Variants in CTCF observed in about 807,000 individuals in gnomAD.
CTCF encodes the protein transcriptional repressor CTCF.
In CTCF, 7 loss-of-function variants were observed where a neutral mutation model predicts 72.3. That is an observed-to-expected ratio of 0.10 (90% CI 0.06 to 0.18). CTCF has a LOEUF of 0.18. Ranked by LOEUF, CTCF falls within the 10% of genes least tolerant of loss-of-function variation. The pLI, the probability that CTCF is intolerant of heterozygous loss-of-function variation, is 1.00. For missense variants in CTCF, 516 were observed against 949.1 expected, an observed-to-expected ratio of 0.54 and a Z score of 6.00; for synonymous variants, 374 against 315.8, an observed-to-expected ratio of 1.18 and a Z score of -1.95.
intron 2 of CTCF, among the ~76,000 whole-genome samples, chr16:67,604,057 G>A (rs1480504981): frequency 6.8e-6 from 1 of 147,450 alleles, no homozygotes; most frequent in Non-Finnish European, 1.5e-5. Flanking sequence ...CTGAGCCCAG[G>A]AAGTCAAGGC....
intron 2 of CTCF, among the ~76,000 whole-genome samples, chr16:67,576,563 T>G (rs999717954): frequency 1.3e-5 from 2 of 148,402 alleles, no homozygotes; most frequent in Non-Finnish European, 3.0e-5. Flanking sequence ...TTTTTTTTTT[T>G]TTTTTTTTGA....
intron 2 of CTCF, among the ~76,000 whole-genome samples, chr16:67,583,189 T>G (rs1226782225): frequency 6.6e-6 from 1 of 151,744 alleles, no homozygotes; most frequent in Non-Finnish European, 1.5e-5. Flanking sequence ...TTTCACCATG[T>G]TGGCCATGCT....
intron 2 of CTCF, among the ~76,000 whole-genome samples, chr16:67,587,102 T>A (rs1229752608): frequency 1.3e-5 from 1 of 79,790 alleles, no homozygotes; most frequent in African/African-American, 4.1e-5. Flanking sequence ...TCTTAAACAT[T>A]TTTTTTTTTT....
chr16:67,617,637 G>A (rs188298797), intron 5 of CTCF, among the ~76,000 whole-genome samples: 10 of 152,222 alleles, frequency 6.6e-5, no homozygotes, highest in South Asian at 2.1e-4. Flanking sequence ...AGCCGAGATC[G>A]TGCCATTGCA....
intron 4 of CTCF, chr16:67,615,162 C>T (rs904995276): frequency 6.6e-6 from 1 of 152,142 alleles, no homozygotes; most frequent in African/African-American, 2.4e-5. Context: ...GAGGATGGGC[C>T]TTGAGTGAAG....
chr16:67,606,617 C>T (rs1404618574), intron 2 of CTCF, among the ~76,000 whole-genome samples: 6 of 152,176 alleles, frequency 3.9e-5, no homozygotes, highest in African/African-American at 1.4e-4. Context: ...TCTTCTCTGA[C>T]TGCTATCATG....
intron 2 of CTCF, among the ~76,000 whole-genome samples, chr16:67,602,488 C>T (rs1227458694): frequency 6.6e-6 from 1 of 151,996 alleles, no homozygotes; most frequent in Non-Finnish European, 1.5e-5. Context: ...ATTATCATTC[C>T]CTTTGCAGGG....
intron 5 of CTCF, among the ~76,000 whole-genome samples, chr16:67,619,648 A>G (rs1238115589): frequency 1.3e-5 from 2 of 152,106 alleles, no homozygotes; most frequent in Non-Finnish European, 2.9e-5. Context: ...TGGCGTGATC[A>G]TGGCTCACTG....
chr16:67,611,710 TA>T (rs2052065212), intron 3 of CTCF, 97 bp downstream of exon 3: 3 of 1,229,200 alleles, frequency 2.4e-6, no homozygotes, highest in Non-Finnish European at 3.4e-6. Flanking sequence ...ACCGTATTTG[TA>T]AAAGGTCGTT....
chr16:67,565,864 TC>T (rs2051336537), intron 1 of CTCF, among the ~76,000 whole-genome samples: 1 of 152,124 alleles, frequency 6.6e-6, no homozygotes, highest in South Asian at 2.1e-4. Context: ...CTTGGGGAGT[TC>T]CTTGGTGGAA....
intron 10 of CTCF, among the ~76,000 whole-genome samples, chr16:67,630,625 C>T (rs998680674): frequency 1.3e-5 from 2 of 152,044 alleles, no homozygotes; most frequent in Admixed American, 6.6e-5. Context: ...TGTGGTGGTA[C>T]ATGCCGATAG....
chr16:67,581,893 G>A (rs2051587649), intron 2 of CTCF, among the ~76,000 whole-genome samples: 1 of 152,150 alleles, frequency 6.6e-6, no homozygotes, highest in Non-Finnish European at 1.5e-5. Flanking sequence ...AAGTGCTGGG[G>A]TTACAGGTGT....
chr16:67,610,235 A>G (rs2052042159), intron 2 of CTCF, among the ~76,000 whole-genome samples: 1 of 152,272 alleles, frequency 6.6e-6, no homozygotes, highest in South Asian at 2.1e-4. Context: ...GTATAATTTA[A>G]CATCCTGAGT....
intron 2 of CTCF, among the ~76,000 whole-genome samples, chr16:67,577,468 CGCTCTGTTGCCCAGGCTG>C (rs1315014701): frequency 2.0e-5 from 3 of 149,072 alleles, no homozygotes; most frequent in Admixed American, 1.3e-4. Flanking sequence ...GATGGAGTCT[CGCTCTGTTGCCCAGGCTG>C]GAGTGCAGTG....
chr16:67,574,482 C>T (rs567150535), intron 2 of CTCF, among the ~76,000 whole-genome samples: 210 of 151,882 alleles, frequency 1.4e-3, no homozygotes, highest in Non-Finnish European at 2.0e-3. Flanking sequence ...GCTGGGATTA[C>T]AGGCGTTCAC....
chr16:67,579,345 CTTTGTTTTTT>C (rs770396535), intron 2 of CTCF, among the ~76,000 whole-genome samples: 15 of 151,674 alleles, frequency 9.9e-5, no homozygotes, highest in South Asian at 2.1e-4. Context: ...TGTTTTCAAT[CTTTGTTTTTT>C]TTTGTTTTTT....
chr16:67,594,576 C>T (rs8061160), intron 2 of CTCF, among the ~76,000 whole-genome samples: 6,408 of 151,784 alleles, frequency 0.042, 450 homozygotes, highest in African/African-American at 0.14. Context: ...AATAGTGATG[C>T]GTAAAAAAAC....
At chr16:67,568,201 T>G (rs2051366807) in intron 1 of CTCF, 1 of 151,726 alleles carries the variant, frequency 6.6e-6, no homozygotes, top group African/African-American at 2.4e-5. Context: ...TGCTTCAGCC[T>G]CGGGAGTAGT....
chr16:67,590,730 G>T (rs1451317680), intron 2 of CTCF, among the ~76,000 whole-genome samples: 1 of 151,694 alleles, frequency 6.6e-6, no homozygotes, highest in Non-Finnish European at 1.5e-5. Flanking sequence ...GCTGAGGAGG[G>T]TGGATCAGCT....
Sources: gnomAD v4.1 joint callset for allele counts (sites outside exome capture counted in the v4.1 genomes callset) on GRCh38, gnomAD v4.1.1 for gene constraint, MANE v1.5 for transcripts, NCBI Gene and HGNC (gene_info 2026-07-23, HGNC 2026-07-21) for gene names.